The following FOXN2 variants were observed in gnomAD, a reference collection of about 807,000 sequenced individuals.
FOXN2 encodes the protein forkhead box protein N2.
In FOXN2, 19 loss-of-function variants were observed where a neutral mutation model predicts 41.2. The observed-to-expected ratio is 0.46, with a 90% CI of 0.32 to 0.68. FOXN2 has a LOEUF of 0.68. Among genes scored for constraint, FOXN2 ranks in the 30% least tolerant of loss-of-function variants. FOXN2 has a pLI of 0.03. For missense variants in FOXN2, 587 were observed against 509.4 expected (o/e 1.15, Z -1.47); for synonymous variants, 195 against 176.8 (o/e 1.10, Z -0.82).
intron 3 of FOXN2, among the ~76,000 whole-genome samples, chr2:48,353,537 A>G (rs1025878350): frequency 1.3e-5 from 2 of 148,854 alleles, no homozygotes; most frequent in African/African-American, 2.5e-5. Context: ...GCCTTAGTAG[A>G]ATAGTCACTT....
chr2:48,325,705 C>G (rs1244217502), intron 1 of FOXN2, among the ~76,000 whole-genome samples: 3 of 152,084 alleles, frequency 2.0e-5, no homozygotes, highest in South Asian at 4.1e-4. Flanking sequence ...CCTTATGAAG[C>G]TTTCAGTTAG....
intron 1 of FOXN2, among the ~76,000 whole-genome samples, chr2:48,324,254 G>A (rs1348680092): frequency 6.9e-6 from 1 of 145,660 alleles, no homozygotes; most frequent in African/African-American, 2.6e-5. Flanking sequence ...GGAGTACAGT[G>A]GCACAATCTT....
chr2:48,340,593 T>C (rs1670687655), intron 2 of FOXN2: 1 of 152,236 alleles, frequency 6.6e-6, no homozygotes, highest in Non-Finnish European at 1.5e-5. Context: ...AGTCAAGCTC[T>C]AGATGGGTTC....
Position 48,362,692 on chromosome 2 carries a change from G to C in FOXN2, c.688G>C (p.Val230Leu), listed in dbSNP as rs775882849. 1.2e-6 allele frequency: 2 copies of C among 1,613,794 alleles called. No individual in the cohort carries two copies. The highest frequency in any genetic ancestry group is 1.7e-6 in the Non-Finnish European group (2 of 1,179,788). Residue 230 changes from valine (V) to leucine (L), a missense_variant, in exon 5 of 7, where the codon GTG becomes CTG. Val to Leu is a conservative substitution (Grantham distance 32, BLOSUM62 1). Coordinates refer to ENST00000340553, the MANE Select transcript of FOXN2 (RefSeq NM_002158.4). ...YLSSVIKQNQ[V>L]RNLKESDIDA... Reference sequence around the variant, plus strand: ...AAGCTCTGTAATCAAGCAGAACCAGGTGCGAAACCTCAAAGGTATGTGTGA... The same window carrying C: ...AAGCTCTGTAATCAAGCAGAACCAGCTGCGAAACCTCAAAGGTATGTGTGA...
intron 4 of FOXN2, among the ~76,000 whole-genome samples, chr2:48,360,192 T>G (rs917574016): frequency 1.3e-5 from 2 of 152,174 alleles, no homozygotes; most frequent in African/African-American, 2.4e-5. Flanking sequence ...GATTTTTGTT[T>G]CCTTTTTCTA....
At chr2:48,326,909 C>G (rs573903405) in intron 1 of FOXN2, among the ~76,000 whole-genome samples, 1 of 152,228 alleles carries the variant, frequency 6.6e-6, no homozygotes, top group Admixed American at 6.5e-5. Flanking sequence ...ATCCCCAATC[C>G]AAAGCATTCT....
intron 5 of FOXN2, among the ~76,000 whole-genome samples, chr2:48,367,163 A>G (rs982515671): frequency 3.3e-5 from 5 of 152,274 alleles, no homozygotes; most frequent in Middle Eastern, 6.8e-3. Context: ...AATAGATAGC[A>G]GGAGACACAG....
In FOXN2 at chr2:48,376,119, G is replaced by A. The variant is rs1366443202; in HGVS notation, c.*676G>A. The A allele has an allele frequency of 5.9e-5, 9 of 152,152 alleles. No homozygotes were observed. The highest frequency in any genetic ancestry group is 1.3e-4 in the Non-Finnish European group (9 of 68,006). The allele number at this position is 152,152 out of a possible 1,614,324, so 9.4% of individuals were successfully genotyped here. A position where few individuals can be genotyped will look rare whatever the true frequency, so the allele number is the denominator to read the frequency against. On this transcript the variant is annotated 3_prime_UTR_variant, in exon 7 of 7. Transcript: ENST00000340553. The stretch of plus-strand genomic sequence containing the variant: ...ACTCCCAATTCCTATTAGAATGGTA[G>A]CTTTGAAGTGTTTTTACTTCAGAGA...
intron 3 of FOXN2, 120 bp from the exon 4 acceptor site, chr2:48,358,927 C>G: frequency 1.4e-6 from 1 of 699,302 alleles, no homozygotes. Flanking sequence ...TCACTTCAAC[C>G]TTAGTTTCAT....
chr2:48,347,403 T>G (rs1671180952), intron 3 of FOXN2, among the ~76,000 whole-genome samples: 1 of 151,888 alleles, frequency 6.6e-6, no homozygotes, highest in Non-Finnish European at 1.5e-5. Context: ...AATTTTCGTA[T>G]TTTTAATAGA....
At chr2:48,338,103 C>A (rs963830603) in intron 2 of FOXN2, among the ~76,000 whole-genome samples, 6 of 152,268 alleles carry the variant, frequency 3.9e-5, no homozygotes, top group African/African-American at 1.4e-4. Flanking sequence ...AATTGATACC[C>A]TATACACTGT....
intron 1 of FOXN2, among the ~76,000 whole-genome samples, chr2:48,321,024 G>T (rs184669717): frequency 5.3e-5 from 8 of 151,504 alleles, no homozygotes; most frequent in African/African-American, 1.9e-4. Context: ...TTTTTAACTT[G>T]CCCCAAAGCA....
chr2:48,339,892 A>G (rs1315718213), intron 2 of FOXN2, among the ~76,000 whole-genome samples: 2 of 152,250 alleles, frequency 1.3e-5, no homozygotes, highest in Non-Finnish European at 2.9e-5. Flanking sequence ...CCTTAAAAGT[A>G]TAAGAAATTA....
At chr2:48,337,972 G>A (rs1255066507) in intron 2 of FOXN2, among the ~76,000 whole-genome samples, 2 of 152,038 alleles carry the variant, frequency 1.3e-5, no homozygotes, top group African/African-American at 4.8e-5. Context: ...TAAACAGTGC[G>A]ATTAACAAGC....
chr2:48,336,726 G>A (rs1670387456), intron 2 of FOXN2, among the ~76,000 whole-genome samples: 1 of 152,030 alleles, frequency 6.6e-6, no homozygotes, highest in African/African-American at 2.4e-5. Flanking sequence ...CAATATTCAT[G>A]TATATGGGGT....
At chr2:48,372,659 T>C (rs1672981138) in intron 5 of FOXN2, among the ~76,000 whole-genome samples, 2 of 152,128 alleles carry the variant, frequency 1.3e-5, no homozygotes, top group Admixed American at 1.3e-4. Context: ...TGCCAGTCTT[T>C]TAAAGCCCAT....
At chr2:48,364,610 A>AAT (rs1209815835) in intron 5 of FOXN2, among the ~76,000 whole-genome samples, 10 of 152,344 alleles carry the variant, frequency 6.6e-5, no homozygotes, top group African/African-American at 2.4e-4. Flanking sequence ...ATTTTTTAGT[A>AAT]ATATCAGTAG....
At chr2:48,319,903 A>G (rs1669184855) in intron 1 of FOXN2, among the ~76,000 whole-genome samples, 1 of 140,310 alleles carries the variant, frequency 7.1e-6, no homozygotes, top group African/African-American at 2.7e-5. Flanking sequence ...AAGCGCTGGG[A>G]TTTTAGGCAT....
chr2:48,346,452 C>G lies in FOXN2; in HGVS notation c.238C>G (p.Pro80Ala). The change falls in exon 3 of 7, where the codon CCA (proline) becomes GCA (alanine). Residue 80 changes from proline (P) to alanine (A), a missense_variant. Coordinates refer to ENST00000340553, the MANE Select transcript of FOXN2 (RefSeq NM_002158.4). ...TNFSLGSEGL[P>A]IVSPLYDIEG... is the part of the protein sequence containing the mutation. ...CTTCAGCCTCGGAAGTGAGGGTCTT[C>G]CAATTGTTAGTCCATTGTATGACAT... 2 of 1,614,150 alleles carry G rather than the reference C, an allele frequency of 1.2e-6. No individual in the cohort carries two copies. Among genetic ancestry groups the G allele is most frequent in the Non-Finnish European group, 1.7e-6 (2 of 1,180,024 alleles).
Sources: gnomAD v4.1 joint callset for allele counts (sites outside exome capture counted in the v4.1 genomes callset) on GRCh38, gnomAD v4.1.1 for gene constraint, MANE v1.5 for transcripts, NCBI Gene and HGNC (gene_info 2026-07-23, HGNC 2026-07-21) for gene names.